CNTN4: variants seen among roughly 807,000 people sequenced by gnomAD.
CNTN4 encodes contactin-4.
In CNTN4, 77 loss-of-function variants were observed where a neutral mutation model predicts 122.5. That is an observed-to-expected ratio of 0.63 (90% CI 0.52 to 0.76). CNTN4 has a LOEUF of 0.76. Ranked by LOEUF, CNTN4 falls within the 30% of genes least tolerant of loss-of-function variation. CNTN4 has a pLI of 0.00. For synonymous variants in CNTN4, 512 were observed against 447.0 expected, an observed-to-expected ratio of 1.15 and a Z score of -1.83; for missense variants, 1,256 against 1,259.1, an observed-to-expected ratio of 1.00 and a Z score of 0.04.
intron 13 of CNTN4, among the ~76,000 whole-genome samples, chr3:2,957,641 A>T (rs978610134): frequency 6.6e-6 from 1 of 151,900 alleles, no homozygotes; most frequent in African/African-American, 2.4e-5. Flanking sequence ...TTCTCATTCT[A>T]TGTCCATGTG....
chr3:2,568,332 A>AC (rs1445663347), intron 3 of CNTN4, among the ~76,000 whole-genome samples: 86 of 151,224 alleles, frequency 5.7e-4, no homozygotes, highest in Admixed American at 1.5e-3. Flanking sequence ...AAAAAAAAAA[A>AC]AAAAAAAACC....
chr3:2,196,582 T>C (rs1372737900), intron 2 of CNTN4, among the ~76,000 whole-genome samples: 2 of 152,130 alleles, frequency 1.3e-5, no homozygotes, highest in East Asian at 3.9e-4. Flanking sequence ...TTGGTACCAT[T>C]CATTCATCAT....
intron 3 of CNTN4, among the ~76,000 whole-genome samples, chr3:2,432,480 G>T (rs1260052304): frequency 1.3e-5 from 2 of 152,038 alleles, no homozygotes; most frequent in African/African-American, 4.8e-5. Context: ...TTCAGTGAAG[G>T]TCTCTGAGGA....
At chr3:2,809,034 T>C (rs1054332607) in intron 6 of CNTN4, among the ~76,000 whole-genome samples, 2 of 152,240 alleles carry the variant, frequency 1.3e-5, no homozygotes, top group African/African-American at 4.8e-5. Flanking sequence ...GACACTGTTT[T>C]GGGCATTGGC....
chr3:2,863,558 T>C (rs2093692669), intron 7 of CNTN4, among the ~76,000 whole-genome samples: 1 of 151,912 alleles, frequency 6.6e-6, no homozygotes, highest in African/African-American at 2.4e-5. Flanking sequence ...TCTGTTGTTC[T>C]ATTTAATATT....
intron 13 of CNTN4, among the ~76,000 whole-genome samples, chr3:2,961,234 A>AAAAAAAAAAAAAAC (rs2094855580): frequency 7.2e-6 from 1 of 138,810 alleles, no homozygotes; most frequent in Admixed American, 7.3e-5. Context: ...CATCTCACAA[A>AAAAAAAAAAAAAAC]AAAAAAAAAA....
At chr3:2,463,102 A>G (rs1468924998) in intron 3 of CNTN4, among the ~76,000 whole-genome samples, 1 of 152,112 alleles carries the variant, frequency 6.6e-6, no homozygotes, top group Non-Finnish European at 1.5e-5. Flanking sequence ...ATTTGTTGTC[A>G]TAGATGATGA....
chr3:2,621,963 G>A (rs1576251254), intron 4 of CNTN4, among the ~76,000 whole-genome samples: 3 of 152,186 alleles, frequency 2.0e-5, no homozygotes, highest in Admixed American at 6.5e-5. Flanking sequence ...ATCCAGACTC[G>A]GTGTGCTCTG....
chr3:3,030,995 T>C lies in CNTN4; in HGVS notation c.1783+20T>C. On this transcript the variant is annotated intron_variant, in intron 16 of 24. Coordinates refer to ENST00000418658, the MANE Select transcript of CNTN4 (RefSeq NM_175607.3). ...TAAGAGGTACTGGATTTTGTTGTTA[T>C]TGTTGTTCTTGAAATATTTTCATGA... 1.9e-6 allele frequency: 3 copies of C among 1,613,884 alleles called. No homozygotes were observed. Among genetic ancestry groups the C allele is most frequent in the Middle Eastern group, 1.7e-4 (1 of 6,058 alleles).
chr3:2,349,299 T>C (rs2044519359), intron 3 of CNTN4, among the ~76,000 whole-genome samples: 1 of 152,164 alleles, frequency 6.6e-6, no homozygotes, highest in South Asian at 2.1e-4. Context: ...TTTACATAAG[T>C]AAATTAGGGT....
intron 4 of CNTN4, among the ~76,000 whole-genome samples, chr3:2,606,221 AT>A (rs1447529194): frequency 6.6e-6 from 1 of 152,132 alleles, no homozygotes; most frequent in African/African-American, 2.4e-5. Context: ...AGAATTTTAG[AT>A]TGTCGTGATT....
At chr3:2,477,514 G>C (rs952263118) in intron 3 of CNTN4, among the ~76,000 whole-genome samples, 2 of 152,112 alleles carry the variant, frequency 1.3e-5, no homozygotes, top group Non-Finnish European at 2.9e-5. Context: ...GAGTCTTAGT[G>C]AGCCTTTAGT....
chr3:2,584,677 A>T (rs1292543334), intron 4 of CNTN4, among the ~76,000 whole-genome samples: 3 of 137,616 alleles, frequency 2.2e-5, no homozygotes, highest in Non-Finnish European at 4.6e-5. Flanking sequence ...AGCCTGGATG[A>T]CAAAAGCAAA....
At chr3:2,315,168 A>T (rs888204747) in intron 2 of CNTN4, among the ~76,000 whole-genome samples, 3 of 152,040 alleles carry the variant, frequency 2.0e-5, no homozygotes, top group Non-Finnish European at 2.9e-5. Flanking sequence ...TGTAGAAGGA[A>T]TTTGAAAGTT....
intron 3 of CNTN4, among the ~76,000 whole-genome samples, chr3:2,483,019 T>A (rs972162817): frequency 6.6e-6 from 1 of 151,812 alleles, no homozygotes. Flanking sequence ...GAATGGTAGA[T>A]CCACCTACAG....
At chr3:2,820,833 T>G (rs1323423911) in intron 7 of CNTN4, among the ~76,000 whole-genome samples, 1 of 151,806 alleles carries the variant, frequency 6.6e-6, no homozygotes, top group Non-Finnish European at 1.5e-5. Context: ...GACCATAGAA[T>G]CTACGATCAC....
intron 3 of CNTN4, among the ~76,000 whole-genome samples, chr3:2,536,541 A>G (rs1236966442): frequency 6.6e-6 from 1 of 152,110 alleles, no homozygotes; most frequent in Non-Finnish European, 1.5e-5. Context: ...GGTCATATCA[A>G]AGTAGTACAC....
At chr3:2,859,979 C>T (rs370186366) in intron 7 of CNTN4, among the ~76,000 whole-genome samples, 1 of 152,182 alleles carries the variant, frequency 6.6e-6, no homozygotes, top group African/African-American at 2.4e-5. Context: ...ATATACCTGA[C>T]CAGAAAATGC....
chr3:2,284,243 T>C (rs2149923176), intron 2 of CNTN4, among the ~76,000 whole-genome samples: 1 of 152,154 alleles, frequency 6.6e-6, no homozygotes, highest in Non-Finnish European at 1.5e-5. Context: ...CATCAGAAAT[T>C]GGGGCAAAAG....
Sources: allele counts gnomAD v4.1 joint callset (sites outside exome capture counted in the v4.1 genomes callset), GRCh38; gene constraint gnomAD v4.1.1; transcripts MANE v1.5; gene names NCBI Gene and HGNC (gene_info 2026-07-23, HGNC 2026-07-21).